Variants in FGD5 observed in about 807,000 individuals in gnomAD.
The protein encoded by FGD5 is FYVE, RhoGEF and PH domain-containing protein 5.
Under a neutral mutation model 133.4 loss-of-function variants are expected in FGD5, and 28 were observed. That is an observed-to-expected ratio of 0.21 (90% CI 0.16 to 0.29). The LOEUF is 0.29. Among genes scored for constraint, FGD5 ranks in the 10% least tolerant of loss-of-function variants. FGD5 has a pLI of 1.00. For synonymous variants in FGD5, 810 were observed against 776.5 expected, an observed-to-expected ratio of 1.04 and a Z score of -0.72; for missense variants, 1,858 against 1,895.2, an observed-to-expected ratio of 0.98 and a Z score of 0.36.
chr3:14,908,703 A>T (rs1163035205), intron 10 of FGD5, among the ~76,000 whole-genome samples: 1 of 151,782 alleles, frequency 6.6e-6, no homozygotes, highest in African/African-American at 2.4e-5. Flanking sequence ...TGGCTAGCAT[A>T]GTGAAACCCC....
At chr3:14,829,714 G>C (rs73814189) in intron 1 of FGD5, among the ~76,000 whole-genome samples, 2,309 of 152,226 alleles carry the variant, frequency 0.015, 55 homozygotes, top group African/African-American at 0.051. Context: ...AATGAAGTTG[G>C]GGGGAGGTCA....
At chr3:14,916,394 T>C (rs547514474) in intron 11 of FGD5, among the ~76,000 whole-genome samples, 2 of 152,326 alleles carry the variant, frequency 1.3e-5, no homozygotes, top group South Asian at 4.1e-4. Flanking sequence ...ATTACATGTC[T>C]TTCTGTCTGC....
rs372948235 is a variant in FGD5, at chr3:14,819,287, G to T, written c.216G>T (p.Pro72=). The change falls in exon 1 of 20, where the codon CCG becomes CCT. Residue 72 remains proline, a synonymous_variant. Transcript: ENST00000285046. The surrounding 1 kb of genome is among the most constrained non-coding windows in gnomAD (Gnocchi z 4.1). ...DEDYIVVPRV[P]LREDEPKDEG... The stretch of plus-strand genomic sequence containing the variant: ...ATTACATCGTGGTCCCCAGGGTTCC[G>T]CTGAGGGAGGATGAACCCAAGGACG... 13 of 1,529,964 alleles carry T rather than the reference G, an allele frequency of 8.5e-6. No homozygotes were observed. The highest frequency in any genetic ancestry group is 1.1e-5 in the Non-Finnish European group (13 of 1,135,726). 94.8% of individuals were successfully genotyped at this position (1,529,964 alleles called of 1,614,324 possible). A position where few individuals can be genotyped will look rare whatever the true frequency, so the allele number is the denominator to read the frequency against.
chr3:14,900,528 C>A, intron 8 of FGD5, 75 bp downstream of exon 8: 1 of 1,539,156 alleles, frequency 6.5e-7, no homozygotes, highest in Admixed American at 1.9e-5. Flanking sequence ...GGACCCTGCC[C>A]CAATTCCAAG....
intron 1 of FGD5, among the ~76,000 whole-genome samples, chr3:14,857,742 G>T (rs1053223981): frequency 2.6e-5 from 4 of 152,152 alleles, no homozygotes; most frequent in African/African-American, 7.2e-5. Context: ...CATTTTCATT[G>T]TTCTGATGGG....
intron 1 of FGD5, among the ~76,000 whole-genome samples, chr3:14,834,194 G>A (rs2036772140): frequency 6.6e-6 from 1 of 152,162 alleles, no homozygotes; most frequent in African/African-American, 2.4e-5. Context: ...CGAAGAGCCT[G>A]CTGAGGGGCA....
At chr3:14,910,786 G>C in intron 10 of FGD5, 75 bp from the exon 11 acceptor site, 1 of 1,367,352 alleles carries the variant, frequency 7.3e-7, no homozygotes, top group Non-Finnish European at 1.0e-6. Context: ...TTCCACTCAG[G>C]GGCCTCCCCT....
At chr3:14,887,692 G>A (rs1453667565) in intron 4 of FGD5, among the ~76,000 whole-genome samples, 2 of 152,126 alleles carry the variant, frequency 1.3e-5, no homozygotes, top group Non-Finnish European at 2.9e-5. Flanking sequence ...CAATAGTAAC[G>A]CAGTGGTGGA....
chr3:14,821,016 A>G lies in FGD5; in HGVS notation c.1945A>G (p.Lys649Glu). ...ESDSPDKYKK[K>E]KSSFKRFLAL... is the part of the protein sequence containing the mutation. The stretch of plus-strand genomic sequence containing the variant: ...CGACTCCCCGGACAAGTACAAGAAG[A>G]AGAAGTCATCCTTTAAGCGCTTCCT... Residue 649 changes from lysine to glutamate, a missense_variant, in exon 1 of 20, where the codon AAG becomes GAG. Physicochemically the swap from Lys to Glu is moderately conservative, Grantham distance 56. Transcript: ENST00000285046. 1 of 1,613,938 alleles carries G rather than the reference A, an allele frequency of 6.2e-7. No individual in the cohort carries two copies. The highest frequency in any genetic ancestry group is 1.3e-5 in the African/African-American group (1 of 75,012).
At chr3:14,906,378 A>G (rs1228941332) in intron 9 of FGD5, among the ~76,000 whole-genome samples, 4 of 152,196 alleles carry the variant, frequency 2.6e-5, no homozygotes, top group Admixed American at 2.0e-4. Context: ...GGTGCACAGT[A>G]CTGGGTCCAA....
In FGD5 at chr3:14,933,766, G is replaced by C. The variant is rs1181643218; in HGVS notation, c.*599G>C. 6.5e-6 allele frequency: 1 copy of C among 154,878 alleles called. No individual in the cohort carries two copies. Among genetic ancestry groups the C allele is most frequent in the Admixed American group, 6.4e-5 (1 of 15,694 alleles). The allele number at this position is 154,878 out of a possible 1,614,324, so 9.6% of individuals were successfully genotyped here. A position where few individuals can be genotyped will look rare whatever the true frequency, so the allele number is the denominator to read the frequency against. ...GGTGTACATAAAATGGATTTGTGCAGACCTGGCTGTGGCTTGCTGGTGTGC... is the reference window on the plus strand; with the variant it reads ...GGTGTACATAAAATGGATTTGTGCACACCTGGCTGTGGCTTGCTGGTGTGC... On this transcript the variant is annotated 3_prime_UTR_variant, in exon 20 of 20. Transcript: ENST00000285046.
At chr3:14,840,773 CATG>C (rs2125085161) in intron 1 of FGD5, among the ~76,000 whole-genome samples, 1 of 152,276 alleles carries the variant, frequency 6.6e-6, no homozygotes, top group Non-Finnish European at 1.5e-5. Flanking sequence ...GTGACATAAT[CATG>C]ATGAGCATTG....
intron 9 of FGD5, among the ~76,000 whole-genome samples, chr3:14,902,503 G>A (rs1229750433): frequency 1.3e-5 from 2 of 152,078 alleles, no homozygotes; most frequent in Non-Finnish European, 1.5e-5. Context: ...AGGGAGAGAG[G>A]TCGGGCTGGC....
intron 4 of FGD5, among the ~76,000 whole-genome samples, chr3:14,893,860 C>T (rs1350396853): frequency 7.1e-6 from 1 of 141,282 alleles, no homozygotes; most frequent in Non-Finnish European, 1.5e-5. Context: ...CAGGTTCAAG[C>T]GATTCTCCTG....
At chr3:14,886,972 G>A (rs1306916461) in intron 4 of FGD5, among the ~76,000 whole-genome samples, 1 of 152,194 alleles carries the variant, frequency 6.6e-6, no homozygotes, top group Admixed American at 6.5e-5. Context: ...CCTACCTGGA[G>A]AATGTTCCAT....
At chr3:14,919,799 TGTG>T (rs1276088197) in intron 13 of FGD5, among the ~76,000 whole-genome samples, 4 of 152,120 alleles carry the variant, frequency 2.6e-5, no homozygotes, top group African/African-American at 9.7e-5. Context: ...TGCCACCTCA[TGTG>T]GTGGGAGGAG....
intron 1 of FGD5, among the ~76,000 whole-genome samples, chr3:14,855,970 A>G (rs530592123): frequency 6.6e-6 from 1 of 152,120 alleles, no homozygotes; most frequent in Admixed American, 6.5e-5. Flanking sequence ...GCCCTGAAGC[A>G]TTTCTCCTAT....
At chr3:14,904,585 A>T (rs2038304831) in intron 9 of FGD5, among the ~76,000 whole-genome samples, 1 of 151,812 alleles carries the variant, frequency 6.6e-6, no homozygotes. Context: ...CACCTTGTGT[A>T]TTTCCTGCCC....
At chr3:14,825,280 CA>C (rs948372879) in intron 1 of FGD5, among the ~76,000 whole-genome samples, 9 of 151,990 alleles carry the variant, frequency 5.9e-5, no homozygotes, top group Non-Finnish European at 1.3e-4. Flanking sequence ...CAATGGTATA[CA>C]AAAGAAGGTT....
Sources: gnomAD v4.1 joint callset for allele counts (sites outside exome capture counted in the v4.1 genomes callset) on GRCh38, gnomAD v4.1.1 for gene constraint, Gnocchi (gnomAD v3.1) non-coding constraint, MANE v1.5 for transcripts, NCBI Gene and HGNC (gene_info 2026-07-23, HGNC 2026-07-21) for gene names.